Variants in COL9A3 observed in about 807,000 individuals in gnomAD.
COL9A3 encodes the protein collagen alpha-3(IX) chain.
COL9A3 carries 82 observed loss-of-function variants against 110.2 expected under a neutral mutation model. That is an observed-to-expected ratio of 0.74 (90% CI 0.62 to 0.89). COL9A3 has a LOEUF of 0.89. Among genes scored for constraint, COL9A3 ranks in the 40% least tolerant of loss-of-function variants. COL9A3 has a pLI of 0.00. For missense variants in COL9A3, 1,066 were observed against 981.3 expected (o/e 1.09, Z -1.15); for synonymous variants, 494 against 403.8 (o/e 1.22, Z -2.68).
chr20:62,817,800 CG>C, intron 2 of COL9A3, 165 bp downstream of exon 2: 1 of 653,772 alleles, frequency 1.5e-6, no homozygotes, highest in Non-Finnish European at 2.8e-6. Context: ...GGTGGCCCTG[CG>C]GGGACTGCTG....
chr20:62,824,347 G>A, intron 10 of COL9A3, 98 bp from the exon 11 acceptor site: 3 of 1,294,748 alleles, frequency 2.3e-6, no homozygotes, highest in Non-Finnish European at 3.3e-6. Context: ...CCGTCACCGT[G>A]CAGAGTGGCC....
intron 26 of COL9A3, among the ~76,000 whole-genome samples, chr20:62,833,792 G>A (rs183695916): frequency 7.2e-4 from 110 of 152,114 alleles, no homozygotes; most frequent in African/African-American, 2.6e-3. Flanking sequence ...CTGCCTCCTG[G>A]GTTCAAGCGA....
chr20:62,840,054 G>GCACCATGCCCA (rs1235630027), intron 31 of COL9A3, among the ~76,000 whole-genome samples: 5 of 151,672 alleles, frequency 3.3e-5, no homozygotes, highest in African/African-American at 1.2e-4. Context: ...CACCATGCCC[G>GCACCATGCCCA]CACCATGCCC....
At chr20:62,834,394 C>T (rs2063619497) in intron 26 of COL9A3, among the ~76,000 whole-genome samples, 1 of 152,238 alleles carries the variant, frequency 6.6e-6, no homozygotes, top group Admixed American at 6.5e-5. Context: ...TTGTTTGAGT[C>T]CCTTGATAGG....
chr20:62,828,946 T>C lies in COL9A3; in HGVS notation c.978T>C (p.Ala326=), dbSNP rs1304533618. Residue 326 remains alanine, a synonymous_variant, in exon 19 of 32, where the codon GCT becomes GCC. Coordinates refer to ENST00000649368, the MANE Select transcript of COL9A3 (RefSeq NM_001853.4). The part of the protein sequence containing the change: ...GQKGEAGRNG[A]PGEKGPNGLP... ...AGGGAGAGGCTGGTCGCAACGGTGC[T>C]CCGGGAGAGAAGGGCCCCAACGGGC... is the stretch of plus-strand genomic sequence containing the variant. 35 of 1,611,012 alleles carry C rather than the reference T, an allele frequency of 2.2e-5. No individual in the cohort carries two copies. Among genetic ancestry groups the C allele is most frequent in the Non-Finnish European group, 2.7e-5 (32 of 1,179,652 alleles).
chr20:62,820,835 C>T (rs1372169306), intron 5 of COL9A3, among the ~76,000 whole-genome samples: 2 of 152,172 alleles, frequency 1.3e-5, no homozygotes, highest in Non-Finnish European at 2.9e-5. Context: ...GGCTCGCTGA[C>T]GTGGGCGGGG....
At chr20:62,837,837 C>T (rs1899426710) in intron 30 of COL9A3, among the ~76,000 whole-genome samples, 1 of 152,016 alleles carries the variant, frequency 6.6e-6, no homozygotes, top group Non-Finnish European at 1.5e-5. Flanking sequence ...TGAGGAATGG[C>T]CGGGTGCGGT....
intron 1 of COL9A3, 146 bp from the exon 2 acceptor site, chr20:62,817,421 G>C: frequency 1.6e-6 from 1 of 609,402 alleles, no homozygotes; most frequent in Admixed American, 3.4e-5. Flanking sequence ...GCGCGGGGGC[G>C]CCGGGCTCCG....
intron 17 of COL9A3, 93 bp from the exon 18 acceptor site, chr20:62,828,671 G>A (rs2063572310): frequency 1.4e-6 from 2 of 1,416,322 alleles, no homozygotes; most frequent in Non-Finnish European, 2.0e-6. Context: ...ACAGTTTTAG[G>A]TTGATGGGGA....
intron 8 of COL9A3, 90 bp downstream of exon 8, chr20:62,821,900 C>G (rs534766506): frequency 1.2e-6 from 1 of 818,308 alleles, no homozygotes; most frequent in Non-Finnish European, 2.1e-6. Context: ...TCCCCTCTCC[C>G]TTTTCCCTTT....
rs1275957366 is a variant in COL9A3 at position 62,822,095 on chromosome 20, C to T, written c.424-16C>T. On this transcript the variant is annotated splice_polypyrimidine_tract_variant and intron_variant, in intron 8 of 31. Coordinates refer to ENST00000649368, the MANE Select transcript of COL9A3 (RefSeq NM_001853.4). ...GGGGCTGGTCCCACTCTGTCTAAGT[C>T]ATACCCCCTCCCCAGGGACCTTCTG... 2.0e-6 allele frequency: 3 copies of T among 1,510,202 alleles called. No individual in the cohort carries two copies. In the South Asian group the frequency reaches 3.4e-5, roughly 17 times the overall value. 93.6% of individuals were successfully genotyped at this position (1,510,202 alleles called of 1,614,324 possible).
At chr20:62,835,269 G>C (rs577983182) in intron 26 of COL9A3, among the ~76,000 whole-genome samples, 2 of 152,224 alleles carry the variant, frequency 1.3e-5, no homozygotes, top group Non-Finnish European at 2.9e-5. Context: ...CTGGAGGCTG[G>C]GAAGCCCAAG....
Position 62,836,521 on chromosome 20 carries a change from G to A in COL9A3, c.1592G>A (p.Gly531Glu). 2 of 1,612,040 alleles carry A rather than the reference G, an allele frequency of 1.2e-6. No individual in the cohort carries two copies. Among genetic ancestry groups the A allele is most frequent in the African/African-American group, 1.3e-5 (1 of 75,050 alleles). The change falls in exon 29 of 32, where the codon GGG becomes GAG. Residue 531 changes from glycine to glutamate, a missense_variant. By Grantham distance (98) the Gly-to-Glu change is moderately conservative (BLOSUM62 -2). Coordinates refer to ENST00000649368, the MANE Select transcript of COL9A3 (RefSeq NM_001853.4). Reference protein sequence around the residue: ...SEQRIRELCGGMISEQIAQLA... With the variant: ...SEQRIRELCGEMISEQIAQLA... ...CAGCGCATCAGGGAGCTGTGTGGGG[G>A]GATGATCAGCGGTAAGTCAGCCACG...
At position 62,824,437 on chromosome 20, in the gene COL9A3, T is replaced by C. The variant is rs1311635842; in HGVS notation, c.520-8T>C. On this transcript the variant is annotated splice_region_variant and splice_polypyrimidine_tract_variant and intron_variant, in intron 10 of 31. Coordinates refer to ENST00000649368, the MANE Select transcript of COL9A3 (RefSeq NM_001853.4). Reference sequence around the variant, plus strand: ...TGGGAGGGGTCTGACTGCTCTGTTTTCCGACAGTGCCCAAGTATCTGCCCG... The same window carrying C: ...TGGGAGGGGTCTGACTGCTCTGTTTCCCGACAGTGCCCAAGTATCTGCCCG... The C allele has an allele frequency of 8.8e-6, 14 of 1,599,238 alleles. No individual in the cohort carries two copies. The highest frequency in any genetic ancestry group is 2.3e-5 in the East Asian group (1 of 44,260).
rs558931435 is a variant in COL9A3 at position 62,821,456 on chromosome 20, C to T, written c.346-51C>T. The T allele has an allele frequency of 3.7e-6, 6 of 1,610,904 alleles. No individual in the cohort carries two copies. The African/African-American group carries it at 5.3e-5, about 14-fold the overall frequency. On this transcript the variant is annotated intron_variant, in intron 6 of 31. Transcript: ENST00000649368. ...TGAGCCATCTTAGGGAGGGGTGAGG[C>T]GCAGCCCTTCTTGTGCCTGGCAGGC... is the stretch of plus-strand genomic sequence containing the variant.
rs998441140 is a variant in COL9A3, at chr20:62,837,331, G to A, written c.1786+66G>A. ...AATCCCTGAGACTGACTTGTTAGTA[G>A]GCGCTGCTTCTGGTGCCTGCCATGC... On this transcript the variant is annotated intron_variant, in intron 30 of 31. Coordinates refer to ENST00000649368, the MANE Select transcript of COL9A3 (RefSeq NM_001853.4). 39 of 1,538,312 alleles carry A rather than the reference G, an allele frequency of 2.5e-5. No homozygotes were observed. In the African/African-American group the frequency reaches 4.1e-4, roughly 16 times the overall value.
At chr20:62,824,405 G>C (rs771470291) in intron 10 of COL9A3, 40 bp from the exon 11 acceptor site, 1 of 1,573,776 alleles carries the variant, frequency 6.4e-7, no homozygotes. Flanking sequence ...GTCCTGCTCT[G>C]TTTGGCTGGG....
chr20:62,833,279 C>G (rs544219494), intron 26 of COL9A3, among the ~76,000 whole-genome samples: 1 of 152,254 alleles, frequency 6.6e-6, no homozygotes, highest in Non-Finnish European at 1.5e-5. Flanking sequence ...GGAAACTCAG[C>G]GGCTCTGGAG....
chr20:62,838,958 C>G (rs898725924), intron 31 of COL9A3, among the ~76,000 whole-genome samples, 197 bp downstream of exon 31: 9 of 152,206 alleles, frequency 5.9e-5, no homozygotes, highest in African/African-American at 2.2e-4. Flanking sequence ...GGCGCGGTGG[C>G]TTACACCTGT....
Sources: gnomAD v4.1 joint callset for allele counts (sites outside exome capture counted in the v4.1 genomes callset) on GRCh38, gnomAD v4.1.1 for gene constraint, MANE v1.5 for transcripts, NCBI Gene and HGNC (gene_info 2026-07-23, HGNC 2026-07-21) for gene names.